The following TRIM9 variants were observed in gnomAD, a reference collection of about 807,000 sequenced individuals.
TRIM9 encodes the protein tripartite motif containing 9.
Under a neutral mutation model 78.3 loss-of-function variants are expected in TRIM9, and 26 were observed. The ratio of observed to expected loss-of-function variants is 0.33; its 90% CI spans 0.24 to 0.46. The LOEUF (loss-of-function observed/expected upper bound fraction) is 0.46. Ranked by LOEUF, TRIM9 falls within the 20% of genes least tolerant of loss-of-function variation. The pLI, the probability that TRIM9 is intolerant of heterozygous loss-of-function variation, is 1.00. For missense variants in TRIM9, 787 were observed against 1,036.4 expected (o/e 0.76, Z 3.30); for synonymous variants, 398 against 416.5 (o/e 0.96, Z 0.54).
At chr14:50,981,312 C>T (rs1018178559) in intron 11 of TRIM9, among the ~76,000 whole-genome samples, 4 of 152,076 alleles carry the variant, frequency 2.6e-5, no homozygotes, top group East Asian at 1.9e-4. Context: ...TTTAATGAAT[C>T]GTAATAAGAA....
At chr14:51,074,993 C>T (rs2140262724) in intron 1 of TRIM9, among the ~76,000 whole-genome samples, 1 of 152,336 alleles carries the variant, frequency 6.6e-6, no homozygotes, top group African/African-American at 2.4e-5. Context: ...GCACAAGCAA[C>T]AGGCAGCGGA....
intron 8 of TRIM9, among the ~76,000 whole-genome samples, chr14:50,984,908 CAAT>C (rs1403893031): frequency 6.6e-6 from 1 of 152,122 alleles, no homozygotes; most frequent in Non-Finnish European, 1.5e-5. Context: ...CACAGAAAAA[CAAT>C]AAGAAACATA....
rs1211979020 is a variant in TRIM9 at position 50,976,449 on chromosome 14, A to G, written c.*842T>C. The G allele has an allele frequency of 2.0e-5, 3 of 152,208 alleles. No homozygotes were observed. The highest frequency in any genetic ancestry group is 3.8e-4 in the East Asian group (2 of 5,198). 9.4% of individuals were successfully genotyped at this position (152,208 alleles called of 1,614,324 possible). ...ATATAAGCTCCGAAGGGCAGAGACC[A>G]TGCCTGTCTGTTCACCACTGTGTCC... On this transcript the variant is annotated 3_prime_UTR_variant, in exon 13 of 13. Transcript: ENST00000684578.
intron 11 of TRIM9, 81 bp from the exon 12 acceptor site, chr14:50,979,630 G>T: frequency 8.3e-7 from 1 of 1,198,442 alleles, no homozygotes; most frequent in Middle Eastern, 2.2e-4. Flanking sequence ...TGAAACCAGT[G>T]TCTTGCAACC....
At chr14:51,006,015 C>T (rs1285879989) in intron 5 of TRIM9, among the ~76,000 whole-genome samples, 10 of 152,066 alleles carry the variant, frequency 6.6e-5, no homozygotes, top group Non-Finnish European at 1.5e-5. Context: ...TTTTTATCAA[C>T]AACAACAACA....
At position 50,989,590 on chromosome 14, in the gene TRIM9, C is replaced by T. The variant is rs192502671; in HGVS notation, c.1604-3446G>A. 2.6e-3 allele frequency among the ~76,000 whole-genome samples: 399 copies of T among 152,152 alleles called. 3 individuals are homozygous for T. Among genetic ancestry groups the T allele is most frequent in the Non-Finnish European group, 4.6e-3 (310 of 68,006 alleles). The stretch of plus-strand genomic sequence containing the variant: ...GAAAAATGAGGAGCTCCTGAAGAGA[C>T]GTTTAACATCACATCATATTTCATC... On this transcript the variant is annotated intron_variant, in intron 7 of 12. Coordinates refer to ENST00000684578, the MANE Select transcript of TRIM9 (RefSeq NM_001387360.1).
intron 12 of TRIM9, 124 bp downstream of exon 12, chr14:50,979,263 T>C: frequency 6.4e-7 from 1 of 1,555,938 alleles, no homozygotes; most frequent in Non-Finnish European, 8.7e-7. Context: ...CCTCCTCTCC[T>C]TCATATCTTG....
chr14:51,091,695 T>C (rs1237787590), intron 1 of TRIM9, among the ~76,000 whole-genome samples: 2 of 152,240 alleles, frequency 1.3e-5, no homozygotes, highest in Non-Finnish European at 2.9e-5. Flanking sequence ...GGCAGTTTAG[T>C]AATCCTCATA....
At chr14:51,053,227 C>T (rs1456197369) in intron 1 of TRIM9, among the ~76,000 whole-genome samples, 2 of 150,700 alleles carry the variant, frequency 1.3e-5, no homozygotes, top group Non-Finnish European at 3.0e-5. Flanking sequence ...AAGAAAAACG[C>T]AAAAAGAATC....
At chr14:51,044,205 T>C (rs1234847172) in intron 1 of TRIM9, among the ~76,000 whole-genome samples, 1 of 152,190 alleles carries the variant, frequency 6.6e-6, no homozygotes, top group Non-Finnish European at 1.5e-5. Flanking sequence ...CACAGAGTGA[T>C]ATGGATGCAG....
rs950048705 is a variant in TRIM9 at position 51,094,078 on chromosome 14, G to C, written c.822+40C>G. ...CGTCTGCTGCAAAACCGGATGATCG[G>C]AGACGCAGGGAGTTAGGAGTGGGTT... On this transcript the variant is annotated intron_variant, in intron 1 of 12. Coordinates refer to ENST00000684578, the MANE Select transcript of TRIM9 (RefSeq NM_001387360.1). 3 of 1,566,986 alleles carry C rather than the reference G, an allele frequency of 1.9e-6. No homozygotes were observed. In the African/African-American group the frequency reaches 4.0e-5, roughly 21 times the overall value.
chr14:51,001,125 G>C (rs1458391332), intron 5 of TRIM9, among the ~76,000 whole-genome samples: 1 of 152,086 alleles, frequency 6.6e-6, no homozygotes, highest in African/African-American at 2.4e-5. Context: ...CTTGAACATT[G>C]AAGACATTAT....
chr14:51,043,449 G>T (rs2059714154), intron 1 of TRIM9, among the ~76,000 whole-genome samples: 1 of 152,210 alleles, frequency 6.6e-6, no homozygotes, highest in Non-Finnish European at 1.5e-5. Context: ...AGGCCAGCTG[G>T]GGTAGTGCTG....
chr14:51,027,131 ACTTTTT>A (rs2058309250), intron 1 of TRIM9, among the ~76,000 whole-genome samples: 1 of 111,824 alleles, frequency 8.9e-6, no homozygotes, highest in African/African-American at 3.4e-5. Flanking sequence ...CTGGCTGTTA[ACTTTTT>A]TTTTTTTTTT....
At chr14:51,081,534 G>T (rs1189182546) in intron 1 of TRIM9, among the ~76,000 whole-genome samples, 1 of 152,112 alleles carries the variant, frequency 6.6e-6, no homozygotes, top group Non-Finnish European at 1.5e-5. Context: ...ACATCCCTAG[G>T]CGTCCTGCAA....
intron 5 of TRIM9, among the ~76,000 whole-genome samples, chr14:51,006,410 G>GTATATAT (rs924407626): frequency 1.3e-5 from 2 of 152,174 alleles, no homozygotes; most frequent in Admixed American, 1.3e-4. Context: ...GAAGAGTTGT[G>GTATATAT]TATATATTAA....
intron 9 of TRIM9, 131 bp downstream of exon 9, chr14:50,983,249 T>C: frequency 1.3e-6 from 1 of 768,586 alleles, no homozygotes; most frequent in Non-Finnish European, 2.0e-6. Flanking sequence ...TTTGAGAAAC[T>C]GCTATAATAG....
chr14:51,091,557 A>G (rs1035125226), intron 1 of TRIM9, among the ~76,000 whole-genome samples: 2 of 152,240 alleles, frequency 1.3e-5, no homozygotes, highest in African/African-American at 4.8e-5. Context: ...ACTATATGAG[A>G]AAACTGGCTG....
chr14:50,979,616 G>A (rs894215929), intron 11 of TRIM9, 67 bp from the exon 12 acceptor site: 1 of 1,372,456 alleles, frequency 7.3e-7, no homozygotes. Context: ...CCCCTTTTGT[G>A]TGGTGAAACC....
Sources: gnomAD v4.1 joint callset for allele counts (sites outside exome capture counted in the v4.1 genomes callset) on GRCh38, gnomAD v4.1.1 for gene constraint, MANE v1.5 for transcripts, NCBI Gene and HGNC (gene_info 2026-07-23, HGNC 2026-07-21) for gene names.